Variants in FRMD6 observed in about 807,000 individuals in gnomAD.
The protein encoded by FRMD6 is FERM domain containing 6.
In FRMD6, 37 loss-of-function variants were observed where a neutral mutation model predicts 73.2. The ratio of observed to expected loss-of-function variants is 0.51; its 90% CI spans 0.39 to 0.66. The LOEUF is 0.66. Among genes scored for constraint, FRMD6 ranks in the 30% least tolerant of loss-of-function variants. The probability of loss-of-function intolerance (pLI) is 0.00; values close to 1 mark genes in which losing one functional copy is unlikely to be tolerated. For synonymous variants in FRMD6, 273 were observed against 282.2 expected (o/e 0.97, Z 0.33); for missense variants, 714 against 780.5 (o/e 0.91, Z 1.02).
At chr14:51,642,218 A>G (rs1405733303) in intron 2 of FRMD6, among the ~76,000 whole-genome samples, 1 of 152,202 alleles carries the variant, frequency 6.6e-6, no homozygotes, top group Non-Finnish European at 1.5e-5. Flanking sequence ...AGGGTTTTCA[A>G]CATCTGAAGT....
At chr14:51,592,630 G>C (rs1012510636) in intron 2 of FRMD6, among the ~76,000 whole-genome samples, 2 of 152,122 alleles carry the variant, frequency 1.3e-5, no homozygotes, top group Non-Finnish European at 2.9e-5. Context: ...TAATTTCCCT[G>C]CTTCAAACAA....
chr14:51,714,191 C>T (rs923469680), intron 9 of FRMD6: 1 of 152,168 alleles, frequency 6.6e-6, no homozygotes, highest in Non-Finnish European at 1.5e-5. Context: ...TTAACTCCCT[C>T]CCTAGACTTG....
intron 2 of FRMD6, among the ~76,000 whole-genome samples, chr14:51,621,238 G>T (rs1449082519): frequency 6.6e-6 from 1 of 152,000 alleles, no homozygotes; most frequent in Non-Finnish European, 1.5e-5. Context: ...TAACTCAAAG[G>T]CTCAGAAGTG....
chr14:51,455,136 G>C, the FRMD6 span, among the ~76,000 whole-genome samples: 1 of 152,294 alleles, frequency 6.6e-6, no homozygotes, highest in Non-Finnish European at 1.5e-5. Context: ...AAGTGTAACA[G>C]TTTCTTTACT....
chr14:51,484,684 A>G (rs1882728965), upstream of FRMD6, among the ~76,000 whole-genome samples: 1 of 152,250 alleles, frequency 6.6e-6, no homozygotes, highest in Non-Finnish European at 1.5e-5. Flanking sequence ...GGAGGACTGA[A>G]TTGTAAATCA....
chr14:51,452,027 T>C, the FRMD6 span, among the ~76,000 whole-genome samples: 1 of 152,018 alleles, frequency 6.6e-6, no homozygotes, highest in African/African-American at 2.4e-5. Context: ...AGGGCAGAGA[T>C]GGGGTGAGAT....
At chr14:51,419,010 G>T in the FRMD6 span, among the ~76,000 whole-genome samples, 1 of 152,226 alleles carries the variant, frequency 6.6e-6, no homozygotes, top group Non-Finnish European at 1.5e-5. Flanking sequence ...ATCTCCTGGT[G>T]TGCCATTCAC....
chr14:51,419,221 T>A, the FRMD6 span, among the ~76,000 whole-genome samples: 2 of 152,208 alleles, frequency 1.3e-5, no homozygotes, highest in African/African-American at 2.4e-5. Flanking sequence ...ACGAACCAGG[T>A]ACCTCAGTTG....
intron 1 of FRMD6, among the ~76,000 whole-genome samples, chr14:51,676,604 A>T (rs946018000): frequency 6.6e-6 from 1 of 152,194 alleles, no homozygotes; most frequent in Non-Finnish European, 1.5e-5. Context: ...AATTATCAGT[A>T]TGTGATTATT....
chr14:51,679,588 AG>A (rs1449462557), intron 1 of FRMD6, among the ~76,000 whole-genome samples: 2 of 147,944 alleles, frequency 1.4e-5, no homozygotes, highest in African/African-American at 5.0e-5. Context: ...TGGCATGTAA[AG>A]CTAAGTGTGC....
the FRMD6 span, among the ~76,000 whole-genome samples, chr14:51,417,774 G>A: frequency 7.2e-5 from 11 of 152,086 alleles, no homozygotes; most frequent in South Asian, 2.1e-4. Context: ...TCTCCCTGTC[G>A]CTTTCAGGTA....
At chr14:51,442,487 C>T in the FRMD6 span, among the ~76,000 whole-genome samples, 1 of 152,202 alleles carries the variant, frequency 6.6e-6, no homozygotes, top group African/African-American at 2.4e-5. Context: ...ACTCTTGAGT[C>T]TAAATGGCCT....
chr14:51,471,923 G>T, the FRMD6 span, among the ~76,000 whole-genome samples: 1 of 152,164 alleles, frequency 6.6e-6, no homozygotes, highest in Non-Finnish European at 1.5e-5. Flanking sequence ...GAGGGAATTT[G>T]TTCCTTTTGC....
chr14:51,464,689 G>A, the FRMD6 span, among the ~76,000 whole-genome samples: 1 of 152,134 alleles, frequency 6.6e-6, no homozygotes, highest in African/African-American at 2.4e-5. Flanking sequence ...GGTGTTGTCC[G>A]AGGGGCTCAG....
intron 1 of FRMD6, among the ~76,000 whole-genome samples, chr14:51,533,936 A>G (rs1424549416): frequency 1.3e-5 from 2 of 152,124 alleles, no homozygotes; most frequent in African/African-American, 2.4e-5. Context: ...ATCTCTTTCA[A>G]TTATAGTAAG....
the FRMD6 span, among the ~76,000 whole-genome samples, chr14:51,474,962 G>A: frequency 6.6e-6 from 1 of 152,208 alleles, no homozygotes; most frequent in Non-Finnish European, 1.5e-5. Flanking sequence ...AAAGCCTTAT[G>A]TGAAAAATGA....
At chr14:51,465,866 T>A in the FRMD6 span, among the ~76,000 whole-genome samples, 1 of 152,184 alleles carries the variant, frequency 6.6e-6, no homozygotes, top group Non-Finnish European at 1.5e-5. Flanking sequence ...ATTTAGCTTT[T>A]CAAGAAATAA....
In FRMD6 at chr14:51,513,727, T is replaced by C. The variant is rs558718958; in HGVS notation, c.-210+24307T>C. On this transcript the variant is annotated intron_variant, in intron 1 of 14. Transcript: ENST00000356218. ...CAATAAGTTAAGACAGCTTAGTCTT[T>C]GACCTGGGCTGAAGCCTCTCTGAAA... Among the ~76,000 whole-genome samples the C allele has an allele frequency of 9.7e-5, 14 of 143,930 alleles. No individual in the cohort carries two copies. The South Asian group carries it at 1.9e-3, about 19-fold the overall frequency. The allele number at this position is 143,930 out of a possible 152,430, so 94.4% of individuals were successfully genotyped here.
chr14:51,468,315 G>A, the FRMD6 span, among the ~76,000 whole-genome samples: 1 of 135,480 alleles, frequency 7.4e-6, no homozygotes, highest in Non-Finnish European at 1.6e-5. Flanking sequence ...GGGGGAGGGG[G>A]AGGGAGAGGG....
Sources: allele counts gnomAD v4.1 joint callset (sites outside exome capture counted in the v4.1 genomes callset), GRCh38; gene constraint gnomAD v4.1.1; transcripts MANE v1.5; gene names NCBI Gene and HGNC (gene_info 2026-07-23, HGNC 2026-07-21).